Variants in NRXN3 observed in about 807,000 individuals in gnomAD.
The protein encoded by NRXN3 is neurexin III.
Under a neutral mutation model 137.6 loss-of-function variants are expected in NRXN3, and 32 were observed. The ratio of observed to expected loss-of-function variants is 0.23; its 90% confidence interval spans 0.18 to 0.31. NRXN3 has a LOEUF of 0.31. Among genes scored for constraint, NRXN3 ranks in the 10% least tolerant of loss-of-function variants. NRXN3 has a pLI of 1.00. For missense variants in NRXN3, 1,574 were observed against 2,062.5 expected (o/e 0.76, Z 4.59); for synonymous variants, 798 against 784.5 (o/e 1.02, Z -0.29).
chr14:78,970,774 AGAGAGCTCC>A (rs2099435453), intron 14 of NRXN3, among the ~76,000 whole-genome samples: 1 of 152,186 alleles, frequency 6.6e-6, no homozygotes, highest in South Asian at 2.1e-4. Flanking sequence ...CATGCATTAC[AGAGAGCTCC>A]GACCTTCCTC....
intron 19 of NRXN3, among the ~76,000 whole-genome samples, chr14:79,792,854 A>G (rs1231634908): frequency 2.0e-5 from 3 of 152,338 alleles, no homozygotes; most frequent in East Asian, 1.9e-4. Context: ...GTCATCTACC[A>G]CATCACTTCT....
At chr14:79,380,599 G>GTTGGACAT (rs1479960250) in intron 15 of NRXN3, among the ~76,000 whole-genome samples, 1 of 152,062 alleles carries the variant, frequency 6.6e-6, no homozygotes, top group African/African-American at 2.4e-5. Context: ...GTCTATCATT[G>GTTGGACAT]TTGGACATTT....
At chr14:78,718,446 C>G (rs1376570420) in intron 8 of NRXN3, among the ~76,000 whole-genome samples, 1 of 151,986 alleles carries the variant, frequency 6.6e-6, no homozygotes, top group Non-Finnish European at 1.5e-5. Context: ...GACCAATGAC[C>G]CAAGCAAAGT....
chr14:78,535,976 T>A (rs1191868875), intron 4 of NRXN3, among the ~76,000 whole-genome samples: 2 of 152,132 alleles, frequency 1.3e-5, no homozygotes, highest in Non-Finnish European at 2.9e-5. Flanking sequence ...TGAAGCCATG[T>A]GTTCTATTCT....
chr14:78,944,238 C>T (rs1042530708), intron 10 of NRXN3, among the ~76,000 whole-genome samples: 2 of 152,166 alleles, frequency 1.3e-5, no homozygotes, highest in Admixed American at 1.3e-4. Flanking sequence ...ACCAGTAGAA[C>T]CACAGGCACC....
chr14:78,214,072 C>T (rs770027429), intron 1 of NRXN3, among the ~76,000 whole-genome samples: 17 of 152,192 alleles, frequency 1.1e-4, no homozygotes, highest in Non-Finnish European at 2.4e-4. Context: ...CCAGTGGTTT[C>T]AACTGTTCTT....
At chr14:78,821,585 A>G (rs2098950876) in intron 10 of NRXN3, among the ~76,000 whole-genome samples, 1 of 152,042 alleles carries the variant, frequency 6.6e-6, no homozygotes, top group Non-Finnish European at 1.5e-5. Context: ...AAAGGGACAC[A>G]AAGAAGTATT....
intron 1 of NRXN3, among the ~76,000 whole-genome samples, chr14:78,214,837 C>T (rs1268725991): frequency 6.6e-6 from 1 of 152,128 alleles, no homozygotes; most frequent in Non-Finnish European, 1.5e-5. Flanking sequence ...TCGATTCTGA[C>T]TCGAGTGCAC....
chr14:78,826,547 G>T (rs2098967328), intron 10 of NRXN3, among the ~76,000 whole-genome samples: 1 of 152,092 alleles, frequency 6.6e-6, no homozygotes, highest in Non-Finnish European at 1.5e-5. Context: ...AAACTCATTG[G>T]GTTCTAAGTG....
chr14:79,829,856 C>A (rs1216625954), intron 20 of NRXN3, among the ~76,000 whole-genome samples: 1 of 152,122 alleles, frequency 6.6e-6, no homozygotes, highest in Non-Finnish European at 1.5e-5. Context: ...ATCCAAAGCA[C>A]TGCTTACTGT....
intron 15 of NRXN3, among the ~76,000 whole-genome samples, chr14:79,078,194 G>A (rs552089463): frequency 3.7e-4 from 56 of 152,130 alleles, no homozygotes; most frequent in African/African-American, 1.1e-3. Context: ...AAACTTTAGA[G>A]GTCATTAATT....
chr14:78,811,219 G>A (rs1340931343), intron 10 of NRXN3, among the ~76,000 whole-genome samples: 1 of 152,102 alleles, frequency 6.6e-6, no homozygotes, highest in African/African-American at 2.4e-5. Context: ...AACAAAAGAA[G>A]GTTTTATTTC....
rs571008948 is a variant in NRXN3 at position 78,190,737 on chromosome 14, G to A, written c.-704+20063G>A. The stretch of plus-strand genomic sequence containing the variant: ...TGCCCAGGCTGGAGTGCAGTGGTGC[G>A]ATCTTGGCTCACTGCAACCTCTGCC... On this transcript the variant is annotated intron_variant, in intron 1 of 20. Coordinates refer to ENST00000335750, the MANE Select transcript of NRXN3 (RefSeq NM_001330195.2). 2.0e-5 allele frequency among the ~76,000 whole-genome samples: 3 copies of A among 152,050 alleles called. No homozygotes were observed. The East Asian group carries it at 5.8e-4, about 29-fold the overall frequency.
intron 4 of NRXN3, among the ~76,000 whole-genome samples, chr14:78,424,878 T>C (rs997245761): frequency 6.6e-6 from 1 of 152,160 alleles, no homozygotes; most frequent in Admixed American, 6.5e-5. Flanking sequence ...CTAAAATACA[T>C]AGTGAAGTGG....
chr14:79,222,501 T>C (rs1597444550), intron 15 of NRXN3, among the ~76,000 whole-genome samples: 1 of 150,964 alleles, frequency 6.6e-6, no homozygotes, highest in Non-Finnish European at 1.5e-5. Context: ...GTGTAGATTT[T>C]TGTGTGAATA....
chr14:79,550,326 A>G (rs2097362118), intron 16 of NRXN3, among the ~76,000 whole-genome samples: 3 of 152,080 alleles, frequency 2.0e-5, no homozygotes, highest in African/African-American at 4.8e-5. Flanking sequence ...GAAATCCACT[A>G]AAGAAAACTG....
intron 1 of NRXN3, among the ~76,000 whole-genome samples, chr14:78,172,314 G>A (rs578100869): frequency 1.3e-5 from 2 of 152,224 alleles, no homozygotes; most frequent in Admixed American, 6.5e-5. Context: ...TTAATTTGCC[G>A]TTCTGGGTAG....
At chr14:78,624,745 C>T (rs913703690) in intron 4 of NRXN3, among the ~76,000 whole-genome samples, 9 of 152,176 alleles carry the variant, frequency 5.9e-5, no homozygotes, top group African/African-American at 2.2e-4. Context: ...GGAGCCCTGG[C>T]TCTGCATCTG....
intron 8 of NRXN3, among the ~76,000 whole-genome samples, chr14:78,719,873 G>A (rs779423630): frequency 2.0e-5 from 3 of 151,926 alleles, no homozygotes; most frequent in Non-Finnish European, 4.4e-5. Context: ...AAAATAGTAG[G>A]GTTGGCAGAT....
Sources: allele counts gnomAD v4.1 joint callset (sites outside exome capture counted in the v4.1 genomes callset), GRCh38; gene constraint gnomAD v4.1.1; transcripts MANE v1.5; gene names NCBI Gene and HGNC (gene_info 2026-07-23, HGNC 2026-07-21).